Variants in IFT80 observed in about 807,000 individuals in gnomAD.
The protein encoded by IFT80 is intraflagellar transport protein 80 homolog.
Under a neutral mutation model 107.9 loss-of-function variants are expected in IFT80, and 79 were observed. That is an observed-to-expected ratio of 0.73 (90% CI 0.61 to 0.88). The LOEUF (loss-of-function observed/expected upper bound fraction) is 0.88, where lower values mean the gene tolerates loss of function less well. Among genes scored for constraint, IFT80 ranks in the 40% least tolerant of loss-of-function variants. The pLI, the probability that IFT80 is intolerant of heterozygous loss-of-function variation, is 0.00. For missense variants in IFT80, 797 were observed against 914.2 expected (o/e 0.87, Z 1.65); for synonymous variants, 299 against 300.9 (o/e 0.99, Z 0.07).
At position 160,308,412 on chromosome 3, in the gene IFT80, C is replaced by T. The variant is rs140786781; in HGVS notation, c.958-631G>A. On this transcript the variant is annotated intron_variant, in intron 9 of 19. Transcript: ENST00000326448. Reference sequence around the variant, plus strand: ...GATTTATCATAAAATTTGTAACAGACTATTTTGCAAGGATTTTAATATTTG... The same window carrying T: ...GATTTATCATAAAATTTGTAACAGATTATTTTGCAAGGATTTTAATATTTG... Among the ~76,000 whole-genome samples, 86 of 152,084 alleles carry T rather than the reference C, an allele frequency of 5.7e-4. 5 individuals are homozygous for T. The East Asian group carries it at 7.2e-3, about 13-fold the overall frequency.
At chr3:160,358,161 C>A (rs1277438884) in intron 6 of IFT80, among the ~76,000 whole-genome samples, 2 of 151,962 alleles carry the variant, frequency 1.3e-5, no homozygotes, top group Non-Finnish European at 2.9e-5. Context: ...GGACATGCCA[C>A]CACACCCAGC....
In IFT80 at chr3:160,384,597, T is replaced by C; in HGVS notation, c.4A>G (p.Arg2Gly). Residue 2 changes from arginine (R) to glycine (G), a missense_variant, in exon 2 of 20, where the codon AGA (arginine) becomes GGA (glycine). Coordinates refer to ENST00000326448, the MANE Select transcript of IFT80 (RefSeq NM_020800.3). ...TCTTTTAAAAGAGATATCTTTAGTC[T>C]CATGACTCCACTTCCAGCAAAAATT... Reference protein sequence around the residue: MRLKISLLKEPK... With the variant: MGLKISLLKEPK... 1 of 1,558,350 alleles carries C rather than the reference T, an allele frequency of 6.4e-7. No homozygotes were observed. Among genetic ancestry groups the C allele is most frequent in the Non-Finnish European group, 8.9e-7 (1 of 1,129,844 alleles).
chr3:160,333,349 TTC>T (rs1234797503), intron 8 of IFT80, among the ~76,000 whole-genome samples: 2 of 152,162 alleles, frequency 1.3e-5, no homozygotes, highest in African/African-American at 4.8e-5. Flanking sequence ...AAAAAAATTT[TTC>T]TTTCTTCAAT....
In IFT80 at chr3:160,384,631, C is replaced by T. The variant is rs886058135; in HGVS notation, c.-31G>A. 1.9e-6 allele frequency: 3 copies of T among 1,587,260 alleles called. No individual in the cohort carries two copies. The highest frequency in any genetic ancestry group is 2.6e-6 in the Non-Finnish European group (3 of 1,156,622). On this transcript the variant is annotated 5_prime_UTR_variant, in exon 2 of 20. Transcript: ENST00000326448. ...CACTTCCAGCAAAAATTTAAGATGC[C>T]ACTTGATTGTATTTACTGTAAAAAT...
intron 12 of IFT80, among the ~76,000 whole-genome samples, chr3:160,286,744 A>G (rs1325950266): frequency 1.3e-5 from 2 of 152,190 alleles, no homozygotes; most frequent in Non-Finnish European, 2.9e-5. Context: ...AAGGAAAAAC[A>G]TGTTGAATGT....
intron 8 of IFT80, among the ~76,000 whole-genome samples, chr3:160,332,171 T>C (rs1286089158): frequency 6.6e-6 from 1 of 152,192 alleles, no homozygotes; most frequent in African/African-American, 2.4e-5. Flanking sequence ...TGTATACTGT[T>C]GTAATTTGTT....
chr3:160,359,365 C>A (rs1317417736), intron 6 of IFT80, among the ~76,000 whole-genome samples: 1 of 152,158 alleles, frequency 6.6e-6, no homozygotes, highest in African/African-American at 2.4e-5. Context: ...AACAAATTTA[C>A]AGGGACACCA....
chr3:160,372,025 C>T (rs1480760078), intron 5 of IFT80, among the ~76,000 whole-genome samples: 3 of 152,068 alleles, frequency 2.0e-5, no homozygotes, highest in African/African-American at 4.8e-5. Flanking sequence ...TAAGTCAAAT[C>T]CCCCCACCCA....
chr3:160,359,147 A>G (rs1319044590), intron 6 of IFT80, among the ~76,000 whole-genome samples: 2 of 152,194 alleles, frequency 1.3e-5, no homozygotes, highest in East Asian at 3.8e-4. Context: ...TTAGTCTCCC[A>G]AAAGGAATAG....
At chr3:160,277,902 AT>A (rs1461094058) in intron 16 of IFT80, among the ~76,000 whole-genome samples, 1 of 152,138 alleles carries the variant, frequency 6.6e-6, no homozygotes, top group Non-Finnish European at 1.5e-5. Flanking sequence ...GTTATTAAGG[AT>A]TTATTTCTGA....
At chr3:160,268,576 G>C (rs1713538387) in intron 18 of IFT80, 40 bp from the exon 19 acceptor site, 1 of 1,601,588 alleles carries the variant, frequency 6.2e-7, no homozygotes, top group Non-Finnish European at 8.5e-7. Flanking sequence ...CATTGTTTGT[G>C]TCAGACTCCA....
At chr3:160,364,768 C>T (rs531633008) in intron 6 of IFT80, among the ~76,000 whole-genome samples, 12 of 152,034 alleles carry the variant, frequency 7.9e-5, no homozygotes, top group South Asian at 4.2e-4. Context: ...AACCAAACAC[C>T]GCATGTTCTC....
At chr3:160,391,608 T>A (rs1247564480) in intron 1 of IFT80, 1 of 150,550 alleles carries the variant, frequency 6.6e-6, no homozygotes, top group South Asian at 2.1e-4. Flanking sequence ...GAGGTGGAGG[T>A]TGCAGTAAAC....
At chr3:160,323,890 A>G (rs1159962135) in intron 8 of IFT80, among the ~76,000 whole-genome samples, 1 of 152,136 alleles carries the variant, frequency 6.6e-6, no homozygotes, top group African/African-American at 2.4e-5. Context: ...AGCAAGACTA[A>G]TAAAGAAAAA....
chr3:160,293,291 A>G (rs941864788), intron 12 of IFT80, among the ~76,000 whole-genome samples: 11 of 152,218 alleles, frequency 7.2e-5, no homozygotes, highest in Non-Finnish European at 1.5e-4. Flanking sequence ...AAACTTGAAG[A>G]CAACTTGGTC....
chr3:160,316,933 C>T (rs1313145940), intron 9 of IFT80, among the ~76,000 whole-genome samples: 1 of 152,170 alleles, frequency 6.6e-6, no homozygotes. Flanking sequence ...GTCCTCTTGG[C>T]ATTATTTAAG....
intron 6 of IFT80, 94 bp from the exon 7 acceptor site, chr3:160,357,672 CT>C: frequency 1.4e-6 from 1 of 720,820 alleles, no homozygotes; most frequent in South Asian, 1.6e-5. Context: ...CTAATGACTC[CT>C]TTGTCATCTT....
chr3:160,299,932 C>T (rs1716285413), intron 12 of IFT80, among the ~76,000 whole-genome samples: 1 of 152,146 alleles, frequency 6.6e-6, no homozygotes, highest in African/African-American at 2.4e-5. Flanking sequence ...TCCATGCCCA[C>T]ATCTTCACCA....
chr3:160,304,435 C>CTTTTTTTTTTTTTTTTT (rs869204306), intron 10 of IFT80, among the ~76,000 whole-genome samples: 1 of 129,164 alleles, frequency 7.7e-6, no homozygotes, highest in African/African-American at 2.8e-5. Flanking sequence ...TTGATTTTTT[C>CTTTTTTTTTTTTTTTTT]TTTTTTTTTT....
Sources: gnomAD v4.1 joint callset for allele counts (sites outside exome capture counted in the v4.1 genomes callset) on GRCh38, gnomAD v4.1.1 for gene constraint, MANE v1.5 for transcripts, NCBI Gene and HGNC (gene_info 2026-07-23, HGNC 2026-07-21) for gene names.